The following TEX11 variants were observed in gnomAD, a reference collection of about 807,000 sequenced individuals.
TEX11 encodes testis-expressed protein 11.
TEX11 carries 7 observed loss-of-function variants against 84.4 expected under a neutral mutation model. The ratio of observed to expected loss-of-function variants is 0.08; its 90% CI spans 0.05 to 0.16. The LOEUF is 0.16. Among genes scored for constraint, TEX11 ranks in the 10% least tolerant of loss-of-function variants. The pLI is 1.00. For synonymous variants in TEX11, 264 were observed against 222.8 expected, an observed-to-expected ratio of 1.18 and a Z score of -1.64; for missense variants, 551 against 660.5, an observed-to-expected ratio of 0.83 and a Z score of 1.82.
At chrX:70,731,817 T>C (rs2090654386) in intron 11 of TEX11, among the ~76,000 whole-genome samples, 1 of 110,516 alleles carries the variant, frequency 9.0e-6, no homozygotes, top group Admixed American at 9.7e-5. Context: ...GCCAGCATCA[T>C]CCTGATACCA....
chrX:70,718,785 C>T (rs888212014), intron 13 of TEX11, among the ~76,000 whole-genome samples: 1 of 111,593 alleles, frequency 9.0e-6, no homozygotes, highest in Non-Finnish European at 1.9e-5. Flanking sequence ...AACTGGCATA[C>T]AGAGACTAGT....
intron 7 of TEX11, chrX:70,846,290 A>C (rs1165657281): frequency 1.8e-5 from 2 of 111,875 alleles, no homozygotes; most frequent in East Asian, 5.6e-4. Flanking sequence ...CTGAAAGTAT[A>C]GTCTTAAGAC....
At chrX:70,905,924 G>A (rs1047621712) in intron 2 of TEX11, among the ~76,000 whole-genome samples, 11 of 101,890 alleles carry the variant, frequency 1.1e-4, no homozygotes, top group African/African-American at 3.2e-4. Context: ...ATGGTGGCAC[G>A]TGCCTGTAAT....
At chrX:70,643,218 A>G (rs1376862899) in intron 17 of TEX11, among the ~76,000 whole-genome samples, 54 of 104,240 alleles carry the variant, frequency 5.2e-4, no homozygotes, top group African/African-American at 1.9e-3. Context: ...TACAAGGGAT[A>G]TGAAGGACCT....
At chrX:70,827,849 G>A (rs1222907036) in intron 8 of TEX11, among the ~76,000 whole-genome samples, 1 of 112,066 alleles carries the variant, frequency 8.9e-6, no homozygotes, top group Non-Finnish European at 1.9e-5. Flanking sequence ...GCAAGGTCCA[G>A]TGCTGTGCTG....
chrX:70,758,401 G>A (rs187930656), intron 9 of TEX11, among the ~76,000 whole-genome samples: 4 of 111,749 alleles, frequency 3.6e-5, no homozygotes, highest in African/African-American at 6.5e-5. Context: ...AAACACAAAA[G>A]AAAAGAAATC....
At chrX:70,639,155 G>A (rs1036553555) in intron 17 of TEX11, among the ~76,000 whole-genome samples, 6 of 111,823 alleles carry the variant, frequency 5.4e-5, no homozygotes, top group East Asian at 2.9e-4. Context: ...AGAAAGGGGT[G>A]ACGGACGGCA....
At chrX:70,539,038 A>ATATATATATATATATATATATATATTTT in intron 28 of TEX11, among the ~76,000 whole-genome samples, 2 of 41,245 alleles carry the variant, frequency 4.8e-5, no homozygotes, top group African/African-American at 9.2e-5. Flanking sequence ...ATATATATAT[A>ATATATATATATATATATATATATATTTT]TTTTTTTTTT....
At chrX:70,763,750 A>G (rs2090923521) in intron 9 of TEX11, among the ~76,000 whole-genome samples, 1 of 111,523 alleles carries the variant, frequency 9.0e-6, no homozygotes, top group Non-Finnish European at 1.9e-5. Context: ...GAAGGTCACT[A>G]TATAACGATA....
intron 15 of TEX11, among the ~76,000 whole-genome samples, chrX:70,675,192 C>T (rs1325086): frequency 0.54 from 59,817 of 110,160 alleles, 13,215 homozygotes; most frequent in Middle Eastern, 0.73. Flanking sequence ...TGTAATAATA[C>T]GAAAAAAATC....
intron 8 of TEX11, 53 bp from the exon 9 acceptor site, chrX:70,806,843 A>C: frequency 1.1e-6 from 1 of 912,278 alleles, no homozygotes; most frequent in Non-Finnish European, 1.5e-6. Context: ...ATCCCAACAC[A>C]CTTTGGGAGG....
At chrX:70,729,934 A>G (rs1311348724) in intron 11 of TEX11, among the ~76,000 whole-genome samples, 4 of 112,481 alleles carry the variant, frequency 3.6e-5, no homozygotes, top group Non-Finnish European at 5.6e-5. Context: ...CCACAAGGGG[A>G]AGTCCATCAG....
At chrX:70,843,501 A>C (rs1489548510) in intron 7 of TEX11, among the ~76,000 whole-genome samples, 2 of 111,875 alleles carry the variant, frequency 1.8e-5, no homozygotes, top group Non-Finnish European at 3.8e-5. Flanking sequence ...AAACCATAAA[A>C]CCCCTAGAAG....
intron 16 of TEX11, among the ~76,000 whole-genome samples, chrX:70,666,192 A>T (rs1347981348): frequency 8.1e-5 from 9 of 111,732 alleles, no homozygotes; most frequent in African/African-American, 2.9e-4. Flanking sequence ...GGATAAACAG[A>T]ACTGTTACAA....
chrX:70,773,117 T>C (rs751525369), intron 9 of TEX11, among the ~76,000 whole-genome samples: 1 of 110,814 alleles, frequency 9.0e-6, no homozygotes, highest in South Asian at 3.9e-4. Flanking sequence ...AATAAGGGAA[T>C]GACAGAAAAC....
At chrX:70,572,930 A>G (rs111563767) in intron 25 of TEX11, among the ~76,000 whole-genome samples, 8,858 of 109,331 alleles carry the variant, frequency 0.081, 842 homozygotes, top group African/African-American at 0.26. Flanking sequence ...GCAGCACACC[A>G]ACATGGCACA....
At chrX:70,821,846 G>A (rs2091319768) in intron 8 of TEX11, among the ~76,000 whole-genome samples, 1 of 111,430 alleles carries the variant, frequency 9.0e-6, no homozygotes, top group Non-Finnish European at 1.9e-5. Flanking sequence ...CAATCATTAT[G>A]CAAAATAGTA....
At chrX:70,630,949 G>C (rs1167648067) in intron 17 of TEX11, among the ~76,000 whole-genome samples, 1 of 112,194 alleles carries the variant, frequency 8.9e-6, no homozygotes, top group Non-Finnish European at 1.9e-5. Flanking sequence ...ACAATAATCA[G>C]TTTATCATGA....
At position 70,581,732 on chromosome X, in the gene TEX11, C is replaced by T. The variant is rs150204793; in HGVS notation, c.2140+10019G>A. Among the ~76,000 whole-genome samples, 675 of 111,803 alleles carry T rather than the reference C, an allele frequency of 6.0e-3. 3 individuals are homozygous for T. The highest frequency in any genetic ancestry group is 0.027 in the Middle Eastern group (6 of 219). On this transcript the variant is annotated intron_variant, in intron 25 of 29. Coordinates refer to ENST00000374333, the MANE Select transcript of TEX11 (RefSeq NM_031276.3). ...AAAGTGCTACATGTGTTCGTGAGCT[C>T]TGTTAATCTGCTATAATGTTTGTGA...
Sources: allele counts gnomAD v4.1 joint callset (sites outside exome capture counted in the v4.1 genomes callset), GRCh38; gene constraint gnomAD v4.1.1; transcripts MANE v1.5; gene names NCBI Gene and HGNC (gene_info 2026-07-23, HGNC 2026-07-21).